The following SYN2 variants were observed in gnomAD, a reference collection of about 807,000 sequenced individuals.
The protein encoded by SYN2 is synapsin II, also known as synapsin-2.
Under a neutral mutation model 50.9 loss-of-function variants are expected in SYN2, and 19 were observed. That is an observed-to-expected ratio of 0.37 (90% CI 0.26 to 0.55). The LOEUF (loss-of-function observed/expected upper bound fraction) is 0.55, where lower values mean the gene tolerates loss of function less well. Ranked by LOEUF, SYN2 falls within the 20% of genes least tolerant of loss-of-function variation. The pLI is 0.81. For missense variants in SYN2, 587 were observed against 576.4 expected (o/e 1.02, Z -0.19); for synonymous variants, 255 against 224.9 (o/e 1.13, Z -1.20).
At chr3:12,070,816 A>G in intron 1 of SYN2, 1 of 610,136 alleles carries the variant, frequency 1.6e-6, no homozygotes, top group Non-Finnish European at 3.2e-6. Context: ...GAAGATCCTC[A>G]CCGAGCACAG....
chr3:12,184,150 A>G, intron 11 of SYN2: 1 of 985,908 alleles, frequency 1.0e-6, no homozygotes, highest in Non-Finnish European at 1.2e-6. Flanking sequence ...ATTTCCAGGA[A>G]TGTGTTCTGT....
intron 1 of SYN2, among the ~76,000 whole-genome samples, chr3:12,108,999 A>C (rs1276643320): frequency 6.6e-6 from 1 of 152,208 alleles, no homozygotes; most frequent in Non-Finnish European, 1.5e-5. Flanking sequence ...GACACCCTCT[A>C]ATTTCATTCC....
chr3:12,007,592 C>A (rs1057266802), intron 1 of SYN2, among the ~76,000 whole-genome samples: 1 of 152,108 alleles, frequency 6.6e-6, no homozygotes, highest in African/African-American at 2.4e-5. Flanking sequence ...ATCGTATATG[C>A]CCTATATTAT....
At chr3:12,029,385 T>G (rs1694333167) in intron 1 of SYN2, among the ~76,000 whole-genome samples, 1 of 127,096 alleles carries the variant, frequency 7.9e-6, no homozygotes, top group Non-Finnish European at 1.5e-5. Flanking sequence ...CATATGAACT[T>G]TAAAGTAGTT....
chr3:12,060,465 A>G (rs1018717798), intron 1 of SYN2, among the ~76,000 whole-genome samples: 51 of 152,114 alleles, frequency 3.4e-4, no homozygotes, highest in African/African-American at 1.1e-3. Context: ...GGGGAAGGGG[A>G]AAGAAACTGA....
At position 12,112,322 on chromosome 3, in the gene SYN2, A is replaced by G. The variant is rs936409529; in HGVS notation, c.378-28329A>G. 2.0e-5 allele frequency among the ~76,000 whole-genome samples: 3 copies of G among 152,242 alleles called. No individual in the cohort carries two copies. The South Asian group carries it at 6.2e-4, about 32-fold the overall frequency. On this transcript the variant is annotated intron_variant, in intron 1 of 12. Coordinates refer to ENST00000621198, the MANE Select transcript of SYN2 (RefSeq NM_133625.6). ...GCAACTTCACAGTCAGATTCAATGA[A>G]TTAATTTTATTTTTTAATTCAGCAT...
intron 1 of SYN2, among the ~76,000 whole-genome samples, chr3:12,019,179 CTGAAA>C (rs1397702098): frequency 6.6e-6 from 1 of 152,102 alleles, no homozygotes; most frequent in Non-Finnish European, 1.5e-5. Context: ...TTTTTAGATG[CTGAAA>C]TGGGGGAATT....
intron 1 of SYN2, among the ~76,000 whole-genome samples, chr3:12,015,230 A>G (rs1381968296): frequency 6.6e-6 from 1 of 152,180 alleles, no homozygotes; most frequent in Non-Finnish European, 1.5e-5. Context: ...CCTTCCTTAA[A>G]TTATTTCCAT....
rs565169050 is a variant in SYN2, at chr3:12,125,426, T to TC, written c.378-15223dup. Among the ~76,000 whole-genome samples, 342 of 152,346 alleles carry TC rather than the reference T, an allele frequency of 2.2e-3. 2 individuals carry two copies. The highest frequency in any genetic ancestry group is 7.1e-3 in the African/African-American group (295 of 41,570). ...GAAGAAATAAACAGATTTGCATTTC[T>TC]CCAAGATTATGTTTTCCCTAAGTGG... On this transcript the variant is annotated intron_variant, in intron 1 of 12. Transcript: ENST00000621198.
chr3:12,048,080 A>C (rs1694779798), intron 1 of SYN2, among the ~76,000 whole-genome samples: 1 of 152,226 alleles, frequency 6.6e-6, no homozygotes, highest in Non-Finnish European at 1.5e-5. Context: ...CATTTTCTGT[A>C]ACCCTAAGTG....
intron 1 of SYN2, among the ~76,000 whole-genome samples, chr3:12,102,764 A>G (rs1490142097): frequency 6.6e-6 from 1 of 152,144 alleles, no homozygotes; most frequent in Non-Finnish European, 1.5e-5. Flanking sequence ...TTAAATGAGC[A>G]AGTCATGGAA....
intron 1 of SYN2, among the ~76,000 whole-genome samples, chr3:12,047,417 A>G (rs1327029025): frequency 6.6e-6 from 1 of 152,168 alleles, no homozygotes; most frequent in Non-Finnish European, 1.5e-5. Flanking sequence ...TGGAAGGGGT[A>G]CTATTTGAAG....
At chr3:12,094,166 ATATT>A (rs1230635402) in intron 1 of SYN2, among the ~76,000 whole-genome samples, 3 of 152,094 alleles carry the variant, frequency 2.0e-5, no homozygotes, top group Non-Finnish European at 2.9e-5. Flanking sequence ...CTGCAATTTA[ATATT>A]TAGTTCTCTA....
At chr3:12,111,225 A>G (rs1327774049) in intron 1 of SYN2, among the ~76,000 whole-genome samples, 1 of 152,130 alleles carries the variant, frequency 6.6e-6, no homozygotes, top group African/African-American at 2.4e-5. Context: ...TCCCCTGCGG[A>G]AGTTCTTTGC....
intron 1 of SYN2, among the ~76,000 whole-genome samples, chr3:12,102,972 A>G (rs1200232282): frequency 6.6e-6 from 1 of 152,202 alleles, no homozygotes; most frequent in Non-Finnish European, 1.5e-5. Flanking sequence ...ATTATATCAT[A>G]GTAATTATGA....
intron 10 of SYN2, among the ~76,000 whole-genome samples, chr3:12,180,694 G>A (rs972592962): frequency 7.2e-5 from 11 of 152,178 alleles, no homozygotes; most frequent in African/African-American, 1.4e-4. Flanking sequence ...CTTCCTAGGC[G>A]CCATCAAGGG....
In SYN2 at chr3:12,162,093, T is replaced by G. The variant is rs764776340; in HGVS notation, c.919T>G (p.Phe307Val). ...CCAGACCTATGCCACTGCAGAGCCTTTCATTGACTCCAAGTATGACATCCG... is the reference window on the plus strand; with the variant it reads ...CCAGACCTATGCCACTGCAGAGCCTGTCATTGACTCCAAGTATGACATCCG... ...LTQTYATAEPFIDSKYDIRVQ... is the reference protein window; with the variant it reads ...LTQTYATAEPVIDSKYDIRVQ... Residue 307 changes from phenylalanine (F) to valine (V), a missense_variant, in exon 7 of 13, where the codon TTC becomes GTC. Physicochemically the swap from Phe to Val is conservative, Grantham distance 50 (BLOSUM62 -1). Transcript: ENST00000621198. 1.5e-5 allele frequency: 25 copies of G among 1,614,142 alleles called. No individual in the cohort carries two copies. The highest frequency in any genetic ancestry group is 2.2e-5 in the South Asian group (2 of 91,064).
chr3:12,137,223 G>A (rs554856057), intron 1 of SYN2, among the ~76,000 whole-genome samples: 54 of 149,078 alleles, frequency 3.6e-4, no homozygotes, highest in African/African-American at 1.2e-3. Flanking sequence ...ACTCTAGCCC[G>A]CGCAACAGAG....
chr3:12,051,491 G>A (rs1027887704), intron 1 of SYN2, among the ~76,000 whole-genome samples: 16 of 149,222 alleles, frequency 1.1e-4, no homozygotes, highest in African/African-American at 3.9e-4. Flanking sequence ...TTCTCAAATT[G>A]CTGCTGCCCC....
Sources: gnomAD v4.1 joint callset for allele counts (sites outside exome capture counted in the v4.1 genomes callset) on GRCh38, gnomAD v4.1.1 for gene constraint, MANE v1.5 for transcripts, NCBI Gene and HGNC (gene_info 2026-07-23, HGNC 2026-07-21) for gene names.